The following CCNY variants were observed in gnomAD, a reference collection of about 807,000 sequenced individuals.
CCNY encodes the protein cyclin Y, also known as cyclin-Y.
A neutral mutation model predicts 42.8 loss-of-function variants in CCNY; 19 were observed. The ratio of observed to expected loss-of-function variants is 0.44; its 90% CI spans 0.31 to 0.65. CCNY has a LOEUF of 0.65. Among genes scored for constraint, CCNY ranks in the 30% least tolerant of loss-of-function variants. CCNY has a pLI of 0.07. For missense variants in CCNY, 370 were observed against 437.3 expected, an observed-to-expected ratio of 0.85 and a Z score of 1.37; for synonymous variants, 165 against 162.7, an observed-to-expected ratio of 1.01 and a Z score of -0.11.
intron 3 of CCNY, among the ~76,000 whole-genome samples, chr10:35,329,427 T>G (rs764188109): frequency 2.0e-5 from 3 of 152,198 alleles, no homozygotes; most frequent in Non-Finnish European, 2.9e-5. Context: ...ATCCCGTAAC[T>G]GTTTTTTATC....
At chr10:35,388,718 A>C (rs1461488158) in intron 1 of CCNY, among the ~76,000 whole-genome samples, 1 of 152,262 alleles carries the variant, frequency 6.6e-6, no homozygotes, top group Non-Finnish European at 1.5e-5. Flanking sequence ...TTAAAACAAT[A>C]CAAATGCATT....
At chr10:35,554,574 T>A (rs1008566992) in intron 8 of CCNY, among the ~76,000 whole-genome samples, 4 of 152,188 alleles carry the variant, frequency 2.6e-5, no homozygotes, top group African/African-American at 9.6e-5. Flanking sequence ...TTATCTTTGC[T>A]CAGCTGCTTG....
chr10:35,443,341 G>A (rs1838716430), intron 1 of CCNY, among the ~76,000 whole-genome samples: 1 of 152,156 alleles, frequency 6.6e-6, no homozygotes, highest in African/African-American at 2.4e-5. Context: ...TGAAATAACA[G>A]TTATAACACA....
intron 2 of CCNY, among the ~76,000 whole-genome samples, chr10:35,492,056 C>T (rs182753308): frequency 8.8e-4 from 134 of 152,262 alleles, no homozygotes; most frequent in Admixed American, 2.9e-3. Flanking sequence ...CTCTCGTTTC[C>T]TCCTTCCTCA....
At chr10:35,388,157 G>T (rs956877240) in intron 1 of CCNY, among the ~76,000 whole-genome samples, 1 of 152,216 alleles carries the variant, frequency 6.6e-6, no homozygotes, top group African/African-American at 2.4e-5. Context: ...GGGGTGGGCT[G>T]TCTTCTGCAG....
chr10:35,339,074 A>G (rs1270313967), intron 1 of CCNY, among the ~76,000 whole-genome samples: 2 of 152,216 alleles, frequency 1.3e-5, no homozygotes, highest in African/African-American at 4.8e-5. Flanking sequence ...CAGGTTTCCA[A>G]TCTAGGCTGT....
intron 7 of CCNY, among the ~76,000 whole-genome samples, chr10:35,548,093 A>G (rs1212401106): frequency 6.6e-6 from 1 of 152,096 alleles, no homozygotes; most frequent in Non-Finnish European, 1.5e-5. Flanking sequence ...ATCCACATGT[A>G]ACTTTTGACC....
At chr10:35,482,159 T>TCC (rs1335952187) in intron 1 of CCNY, among the ~76,000 whole-genome samples, 1 of 152,264 alleles carries the variant, frequency 6.6e-6, no homozygotes, top group Non-Finnish European at 1.5e-5. Context: ...AATCTCTTTG[T>TCC]GGATAAGTGA....
intron 3 of CCNY, among the ~76,000 whole-genome samples, chr10:35,321,576 G>A (rs1033367286): frequency 6.6e-6 from 1 of 152,098 alleles, no homozygotes; most frequent in Non-Finnish European, 1.5e-5. Context: ...TACTTGGAAG[G>A]CTGAGACAGG....
intron 9 of CCNY, among the ~76,000 whole-genome samples, chr10:35,567,142 A>C (rs1159205925): frequency 6.6e-6 from 1 of 152,242 alleles, no homozygotes; most frequent in African/African-American, 2.4e-5. Flanking sequence ...TTTCATAGGA[A>C]AAAGCTGCCA....
At chr10:35,257,214 T>C (rs1237599059) in intron 3 of CCNY, among the ~76,000 whole-genome samples, 2 of 92,010 alleles carry the variant, frequency 2.2e-5, no homozygotes, top group African/African-American at 9.9e-5. Flanking sequence ...TTTTCTTTTC[T>C]CCTCCCTCCC....
At chr10:35,262,123 A>C (rs1440884330) in intron 3 of CCNY, among the ~76,000 whole-genome samples, 1 of 151,626 alleles carries the variant, frequency 6.6e-6, no homozygotes, top group Non-Finnish European at 1.5e-5. Flanking sequence ...TTACCTGGGC[A>C]TGGTGGTGCA....
chr10:35,526,669 G>GTT (rs34425324), intron 5 of CCNY, among the ~76,000 whole-genome samples: 69 of 142,702 alleles, frequency 4.8e-4, no homozygotes, highest in African/African-American at 1.1e-3. Flanking sequence ...TCCTTTCCAA[G>GTT]TTTTTTTTTT....
chr10:35,478,983 C>T (rs2135359292), intron 1 of CCNY, among the ~76,000 whole-genome samples: 1 of 152,304 alleles, frequency 6.6e-6, no homozygotes, highest in Admixed American at 6.5e-5. Flanking sequence ...GACATTTATG[C>T]AGCCAAAAAA....
chr10:35,358,518 C>A (rs1294587225), intron 1 of CCNY, among the ~76,000 whole-genome samples: 2 of 152,156 alleles, frequency 1.3e-5, no homozygotes, highest in African/African-American at 4.8e-5. Context: ...TAACAGTCTT[C>A]CTTATCCTGC....
chr10:35,272,016 C>T (rs906819919), intron 3 of CCNY, among the ~76,000 whole-genome samples: 1 of 152,104 alleles, frequency 6.6e-6, no homozygotes, highest in African/African-American at 2.4e-5. Context: ...TTTTTTTAGA[C>T]AGAGTCTCGC....
intron 3 of CCNY, among the ~76,000 whole-genome samples, chr10:35,330,975 G>A (rs1835937166): frequency 6.6e-6 from 1 of 152,198 alleles, no homozygotes; most frequent in Non-Finnish European, 1.5e-5. Flanking sequence ...GGCCAGGCTG[G>A]TCTTGAACTC....
intron 3 of CCNY, among the ~76,000 whole-genome samples, chr10:35,266,633 G>A (rs578028826): frequency 3.3e-5 from 5 of 152,048 alleles, no homozygotes; most frequent in African/African-American, 4.8e-5. Flanking sequence ...ATGCAATGTC[G>A]GTCACAGAGA....
At chr10:35,534,171 GCCA>G (rs1299053208) in intron 7 of CCNY, among the ~76,000 whole-genome samples, 1 of 152,068 alleles carries the variant, frequency 6.6e-6, no homozygotes, top group African/African-American at 2.4e-5. Flanking sequence ...ACAGGCTTGC[GCCA>G]CCATGCCCTG....
Sources: allele counts gnomAD v4.1 joint callset (sites outside exome capture counted in the v4.1 genomes callset), GRCh38; gene constraint gnomAD v4.1.1; transcripts MANE v1.5; gene names NCBI Gene and HGNC (gene_info 2026-07-23, HGNC 2026-07-21).